SLC26A4: variants seen among roughly 807,000 people sequenced by gnomAD.
SLC26A4 encodes solute carrier family 26 member 4.
Under a neutral mutation model 90.4 loss-of-function variants are expected in SLC26A4, and 93 were observed. That is an observed-to-expected ratio of 1.03 (90% CI 0.87 to 1.22). SLC26A4 has a LOEUF of 1.22. Ranked by LOEUF, SLC26A4 falls within the 50% of genes most tolerant of loss-of-function variation. The pLI is 0.00. For synonymous variants in SLC26A4, 393 were observed against 354.6 expected (o/e 1.11, Z -1.22); for missense variants, 1,127 against 946.2 (o/e 1.19, Z -2.51).
Position 107,660,844 on chromosome 7 carries a change from G to C in SLC26A4, c.-15G>C, listed in dbSNP as rs1222409829. On this transcript the variant is annotated 5_prime_UTR_variant, in exon 1 of 21. Coordinates refer to ENST00000644269, the MANE Select transcript of SLC26A4 (RefSeq NM_000441.2). Reference sequence around the variant, plus strand: ...CCGCGGGGCATTCCGGGCGGGGCGCGAGCAGAGACAGGTGAGTTCGCCCTG... The same window carrying C: ...CCGCGGGGCATTCCGGGCGGGGCGCCAGCAGAGACAGGTGAGTTCGCCCTG... The C allele has an allele frequency of 1.3e-5, 2 of 152,268 alleles. No individual in the cohort carries two copies. The highest frequency in any genetic ancestry group is 4.8e-5 in the African/African-American group (2 of 41,466). The allele number at this position is 152,268 out of a possible 1,614,324, so 9.4% of individuals were successfully genotyped here.
At chr7:107,671,819 C>T (rs984767915) in intron 3 of SLC26A4, among the ~76,000 whole-genome samples, 2 of 152,190 alleles carry the variant, frequency 1.3e-5, no homozygotes, top group African/African-American at 4.8e-5. Flanking sequence ...TACACCTAAC[C>T]TATGGAACAT....
chr7:107,713,559 C>T (rs1476003992), intron 20 of SLC26A4, among the ~76,000 whole-genome samples: 1 of 152,184 alleles, frequency 6.6e-6, no homozygotes, highest in Non-Finnish European at 1.5e-5. Flanking sequence ...CTATTCCTTA[C>T]AAACAAGCAG....
At chr7:107,705,853 T>C (rs935108876) in intron 18 of SLC26A4, among the ~76,000 whole-genome samples, 3 of 152,208 alleles carry the variant, frequency 2.0e-5, no homozygotes, top group Non-Finnish European at 1.5e-5. Context: ...TGTAGTTTTA[T>C]TGTCTCTAGT....
Position 107,690,187 on chromosome 7 carries a change from A to C in SLC26A4, c.1213A>C (p.Thr405Pro). The C allele has an allele frequency of 6.2e-7, 1 of 1,613,586 alleles. No homozygotes were observed. The highest frequency in any genetic ancestry group is 8.5e-7 in the Non-Finnish European group (1 of 1,179,582). The change falls in exon 10 of 21, where the codon ACT (threonine) becomes CCT (proline). Residue 405 changes from threonine to proline, a missense_variant. By Grantham distance (38) the Thr-to-Pro change is conservative (BLOSUM62 -1). Transcript: ENST00000644269. ...SGFFSCFVAT[T>P]ALSRTAVQES... ...ATTCTTCTCTTGTTTTGTGGCCACCACTGCTCTTTCCCGCACGGCCGTCCA... is the reference window on the plus strand; with the variant it reads ...ATTCTTCTCTTGTTTTGTGGCCACCCCTGCTCTTTCCCGCACGGCCGTCCA...
intron 10 of SLC26A4, among the ~76,000 whole-genome samples, chr7:107,690,666 TTCC>T (rs1562833525): frequency 6.6e-6 from 1 of 152,182 alleles, no homozygotes; most frequent in East Asian, 1.9e-4. Flanking sequence ...GATCAGGAAC[TTCC>T]TCCAGGGGCG....
At chr7:107,685,542 A>G (rs897681620) in intron 8 of SLC26A4, among the ~76,000 whole-genome samples, 1 of 152,200 alleles carries the variant, frequency 6.6e-6, no homozygotes, top group African/African-American at 2.4e-5. Flanking sequence ...ACCTAGGACC[A>G]TACGTTAGGA....
intron 18 of SLC26A4, among the ~76,000 whole-genome samples, chr7:107,706,281 C>T (rs1195441089): frequency 6.6e-6 from 1 of 152,190 alleles, no homozygotes; most frequent in African/African-American, 2.4e-5. Context: ...TAGGTGACTC[C>T]TTTCAAATTT....
Position 107,674,223 on chromosome 7 carries a change from G to C in SLC26A4, c.475G>C (p.Glu159Gln), listed in dbSNP as rs1562823659. The C allele has an allele frequency of 6.2e-7, 1 of 1,614,024 alleles. No individual in the cohort carries two copies. Among genetic ancestry groups the C allele is most frequent in the South Asian group, 1.1e-5 (1 of 91,066 alleles). ...TGTTGTTCTGAGCATGGCCCCCGAC[G>C]AACACTTTCTCGTATCCAGCAGCAA... ...GSVVLSMAPD[E>Q]HFLVSSSNGT... The change falls in exon 5 of 21, where the codon GAA becomes CAA. Residue 159 changes from glutamate (E) to glutamine (Q), a missense_variant. Transcript: ENST00000644269.
rs1554357991 is a variant in SLC26A4 at position 107,686,441 on chromosome 7, C to CTTTCTT, written c.1002-2610_1002-2605dup. ...TCTTTCTTTCTTTCTTTCTTTCTTT[C>CTTTCTT]TTTCTTTCTTTCTTTTCTTTCTTTC... On this transcript the variant is annotated intron_variant, in intron 8 of 20. Coordinates refer to ENST00000644269, the MANE Select transcript of SLC26A4 (RefSeq NM_000441.2). 4.9e-3 allele frequency among the ~76,000 whole-genome samples: 576 copies of CTTTCTT among 116,794 alleles called. 16 individuals are homozygous for CTTTCTT. The highest frequency in any genetic ancestry group is 0.013 in the African/African-American group (366 of 29,012). 76.6% of individuals were successfully genotyped at this position (116,794 alleles called of 152,430 possible).
intron 6 of SLC26A4, 87 bp from the exon 7 acceptor site, chr7:107,683,115 A>G (rs964578117): frequency 2.1e-6 from 2 of 968,528 alleles, no homozygotes; most frequent in Non-Finnish European, 3.2e-6. Context: ...GAAGATTCAT[A>G]TGAGAATTGA....
At chr7:107,675,134 G>A in intron 6 of SLC26A4, 25 bp downstream of exon 6, 1 of 1,608,412 alleles carries the variant, frequency 6.2e-7, no homozygotes, top group Non-Finnish European at 8.5e-7. Context: ...TTGCTCCAGG[G>A]ATGGGTCACT....
At position 107,683,371 on chromosome 7, in the gene SLC26A4, G is replaced by A. The variant is rs1254686587; in HGVS notation, c.918+17G>A. On this transcript the variant is annotated intron_variant, in intron 7 of 20. Coordinates refer to ENST00000644269, the MANE Select transcript of SLC26A4 (RefSeq NM_000441.2). ...GTAATTGTGGTAAGTAGAATATGTAGTTAGAAAGTTCAGCATTATTTGGTT... is the reference window on the plus strand; with the variant it reads ...GTAATTGTGGTAAGTAGAATATGTAATTAGAAAGTTCAGCATTATTTGGTT... 6.2e-7 allele frequency: 1 copy of A among 1,612,464 alleles called. No individual in the cohort carries two copies. The highest frequency in any genetic ancestry group is 1.3e-5 in the African/African-American group (1 of 74,852).
Position 107,712,630 on chromosome 7 carries a change from C to G in SLC26A4, c.2319+8C>G. 1 of 1,419,980 alleles carries G rather than the reference C, an allele frequency of 7.0e-7. No homozygotes were observed. Among genetic ancestry groups the G allele is most frequent in the Non-Finnish European group, 1.0e-6 (1 of 1,003,320 alleles). 88.0% of individuals were successfully genotyped at this position (1,419,980 alleles called of 1,614,324 possible). On this transcript the variant is annotated splice_region_variant and intron_variant, in intron 20 of 20. Coordinates refer to ENST00000644269, the MANE Select transcript of SLC26A4 (RefSeq NM_000441.2). ...CTTGATGTCCAGGATGAGGTATGATCATTTTCTTCTGAAGAAAATATTTGA... is the reference window on the plus strand; with the variant it reads ...CTTGATGTCCAGGATGAGGTATGATGATTTTCTTCTGAAGAAAATATTTGA...
intron 10 of SLC26A4, among the ~76,000 whole-genome samples, chr7:107,692,501 C>A (rs988511785): frequency 6.6e-6 from 1 of 152,182 alleles, no homozygotes; most frequent in Non-Finnish European, 1.5e-5. Context: ...TTGTTTCACT[C>A]CTTTAGGCAA....
rs188502701 is a variant in SLC26A4, at chr7:107,672,731, T to C, written c.415+483T>C. On this transcript the variant is annotated intron_variant, in intron 4 of 20. Coordinates refer to ENST00000644269, the MANE Select transcript of SLC26A4 (RefSeq NM_000441.2). Reference sequence around the variant, plus strand: ...GAGCATACTTATTTTAAATCACTAATATTAGAAGACTGGCAAAATCTTACC... The same window carrying C: ...GAGCATACTTATTTTAAATCACTAACATTAGAAGACTGGCAAAATCTTACC... Among the ~76,000 whole-genome samples the C allele has an allele frequency of 2.8e-4, 42 of 152,328 alleles. 1 individual carries two copies. The highest frequency in any genetic ancestry group is 6.8e-3 in the Middle Eastern group (2 of 294).
Position 107,710,109 on chromosome 7 carries a change from G to A in SLC26A4, c.2145G>A (p.Lys715=). ...QCGFFDDNIR[K]DTFFLTVHDA... ...GGTTCTTTGACGACAACATTAGAAA[G>A]GACACATTCTTTTTGACGGTCCATG... The change falls in exon 19 of 21, where the codon AAG becomes AAA. Residue 715 remains lysine, a synonymous_variant. Transcript: ENST00000644269. The A allele has an allele frequency of 1.2e-6, 2 of 1,610,758 alleles. No homozygotes were observed. Among genetic ancestry groups the A allele is most frequent in the Middle Eastern group, 1.7e-4 (1 of 6,054 alleles).
At chr7:107,673,290 AT>A (rs769038382) in intron 4 of SLC26A4, among the ~76,000 whole-genome samples, 40 of 152,322 alleles carry the variant, frequency 2.6e-4, no homozygotes, top group Non-Finnish European at 4.3e-4. Flanking sequence ...TGAAAAAAAA[AT>A]ATTTTTTAAA....
chr7:107,681,564 AT>A (rs1389004598), intron 6 of SLC26A4, among the ~76,000 whole-genome samples: 1 of 146,268 alleles, frequency 6.8e-6, no homozygotes, highest in Admixed American at 7.0e-5. Context: ...AAAAAAGCTC[AT>A]TTAAAGAAAA....
At chr7:107,681,095 C>T (rs192010629) in intron 6 of SLC26A4, among the ~76,000 whole-genome samples, 1 of 152,290 alleles carries the variant, frequency 6.6e-6, no homozygotes, top group Non-Finnish European at 1.5e-5. Flanking sequence ...TTTCACTCTG[C>T]TGTCCCTGGC....
Sources: gnomAD v4.1 joint callset for allele counts (sites outside exome capture counted in the v4.1 genomes callset) on GRCh38, gnomAD v4.1.1 for gene constraint, MANE v1.5 for transcripts, NCBI Gene and HGNC (gene_info 2026-07-23, HGNC 2026-07-21) for gene names.